The following MFHAS1 variants were observed in gnomAD, a reference collection of about 807,000 sequenced individuals.
MFHAS1 encodes the protein multifunctional ROCO family signaling regulator 1.
Under a neutral mutation model 70.4 loss-of-function variants are expected in MFHAS1, and 50 were observed. The ratio of observed to expected loss-of-function variants is 0.71; its 90% CI spans 0.57 to 0.90. The LOEUF (loss-of-function observed/expected upper bound fraction) is 0.90, where lower values mean the gene tolerates loss of function less well. Ranked by LOEUF, MFHAS1 falls within the 40% of genes least tolerant of loss-of-function variation. The pLI is 0.00. For synonymous variants in MFHAS1, 952 were observed against 620.0 expected (o/e 1.54, Z -7.96); for missense variants, 1,795 against 1,347.6 (o/e 1.33, Z -5.20).
chr8:8,876,971 G>A (rs981518092), intron 1 of MFHAS1, among the ~76,000 whole-genome samples: 2 of 151,722 alleles, frequency 1.3e-5, no homozygotes, highest in Non-Finnish European at 2.9e-5. Flanking sequence ...GTCATAGTGC[G>A]GTAAGTGGTG....
intron 2 of MFHAS1, among the ~76,000 whole-genome samples, chr8:8,786,703 G>T (rs199744276): frequency 2.6e-4 from 39 of 147,724 alleles, no homozygotes; most frequent in East Asian, 5.9e-4. Context: ...TTTGAAAGTG[G>T]TTTTTTTTTT....
intron 1 of MFHAS1, among the ~76,000 whole-genome samples, chr8:8,866,010 C>A (rs1419703146): frequency 6.6e-6 from 1 of 152,212 alleles, no homozygotes; most frequent in African/African-American, 2.4e-5. Context: ...CAACCTCAAA[C>A]AGAGGTGATG....
chr8:8,812,993 G>T (rs1465032947), intron 1 of MFHAS1, among the ~76,000 whole-genome samples: 1 of 152,094 alleles, frequency 6.6e-6, no homozygotes, highest in Non-Finnish European at 1.5e-5. Context: ...TCTCAAACTT[G>T]TGACCTCAAG....
intron 1 of MFHAS1, among the ~76,000 whole-genome samples, chr8:8,807,042 T>C (rs193068945): frequency 7.2e-5 from 11 of 152,008 alleles, no homozygotes; most frequent in African/African-American, 2.7e-4. Context: ...GTTGGGGGTA[T>C]AGAAAATCAT....
chr8:8,787,967 G>T (rs1805609704), intron 2 of MFHAS1, among the ~76,000 whole-genome samples: 1 of 152,148 alleles, frequency 6.6e-6, no homozygotes, highest in Non-Finnish European at 1.5e-5. Context: ...AACCTTCTCT[G>T]TTTCTCCCCA....
chr8:8,856,742 G>A (rs1585054695), intron 1 of MFHAS1, among the ~76,000 whole-genome samples: 1 of 151,970 alleles, frequency 6.6e-6, no homozygotes, highest in South Asian at 2.1e-4. Flanking sequence ...GCACTCAGCA[G>A]ACCCCCATGA....
chr8:8,821,479 A>G (rs1297299617), intron 1 of MFHAS1, among the ~76,000 whole-genome samples: 1 of 152,208 alleles, frequency 6.6e-6, no homozygotes, highest in Non-Finnish European at 1.5e-5. Context: ...ATGTCCATAC[A>G]AAGTTGTTAT....
rs1390373255 is a variant in MFHAS1, at chr8:8,891,656, G to A, written c.1403C>T (p.Ser468Phe). Reference protein sequence around the residue: ...IEVTSWTADASRGLRFIVYDL... With the variant: ...IEVTSWTADAFRGLRFIVYDL... Reference sequence around the variant, plus strand: ...ATACACGATGAACCGCAGGCCCCGGGAGGCATCGGCCGTCCAGCTGGTCAC... The same window carrying A: ...ATACACGATGAACCGCAGGCCCCGGAAGGCATCGGCCGTCCAGCTGGTCAC... The change falls in exon 1 of 3, where the codon TCC (serine) becomes TTC (phenylalanine). Residue 468 changes from serine (S) to phenylalanine (F), a missense_variant. By Grantham distance (155) the Ser-to-Phe change is radical. Coordinates refer to ENST00000276282, the MANE Select transcript of MFHAS1 (RefSeq NM_004225.3). This position sits in a 1 kb window ranked among gnomAD's most constrained non-coding sequence, Gnocchi z 5.4. 1 of 1,613,628 alleles carries A rather than the reference G, an allele frequency of 6.2e-7. No homozygotes were observed.
At chr8:8,802,758 G>T (rs1234490535) in intron 1 of MFHAS1, among the ~76,000 whole-genome samples, 1 of 152,352 alleles carries the variant, frequency 6.6e-6, no homozygotes, top group Non-Finnish European at 1.5e-5. Flanking sequence ...TCCCTGGGAA[G>T]CTATCTTGGG....
intron 1 of MFHAS1, among the ~76,000 whole-genome samples, chr8:8,863,971 G>A (rs1585058892): frequency 6.6e-6 from 1 of 152,176 alleles, no homozygotes; most frequent in East Asian, 1.9e-4. Context: ...CTGCCTCAGT[G>A]ACCACCAGCT....
chr8:8,814,068 G>A (rs1410740285), intron 1 of MFHAS1, among the ~76,000 whole-genome samples: 5 of 151,734 alleles, frequency 3.3e-5, no homozygotes, highest in Non-Finnish European at 7.4e-5. Context: ...CTCCCAAGTA[G>A]CTGGGATTAC....
At chr8:8,810,102 C>T (rs1039372217) in intron 1 of MFHAS1, among the ~76,000 whole-genome samples, 5 of 152,116 alleles carry the variant, frequency 3.3e-5, no homozygotes, top group South Asian at 2.1e-4. Flanking sequence ...CGCAGTGGCT[C>T]GCGCCTGTAA....
At chr8:8,852,668 T>C (rs1304857019) in intron 1 of MFHAS1, among the ~76,000 whole-genome samples, 1 of 152,216 alleles carries the variant, frequency 6.6e-6, no homozygotes, top group Non-Finnish European at 1.5e-5. Context: ...CCATTTGCCA[T>C]TGATGCTTTT....
intron 1 of MFHAS1, among the ~76,000 whole-genome samples, chr8:8,822,882 G>C (rs1031060660): frequency 5.9e-5 from 9 of 152,304 alleles, no homozygotes; most frequent in South Asian, 2.1e-4. Context: ...CAGGGACCAA[G>C]TCAGGGAAAC....
At chr8:8,826,340 T>G (rs1253779044) in intron 1 of MFHAS1, among the ~76,000 whole-genome samples, 1 of 151,980 alleles carries the variant, frequency 6.6e-6, no homozygotes, top group Non-Finnish European at 1.5e-5. Context: ...AACTCTGGAT[T>G]GTGTGTCAGG....
intron 1 of MFHAS1, among the ~76,000 whole-genome samples, chr8:8,856,980 G>GAAAAAAAAAAAAAAAAAAAAAAA (rs59496543): frequency 1.9e-5 from 1 of 53,368 alleles, no homozygotes; most frequent in African/African-American, 7.4e-5. Flanking sequence ...TCAGGAAAGT[G>GAAAAAAAAAAAAAAAAAAAAAAA]AAAAAAAAAA....
intron 1 of MFHAS1, among the ~76,000 whole-genome samples, chr8:8,859,745 T>A (rs113208002): frequency 3.9e-5 from 6 of 152,338 alleles, no homozygotes; most frequent in African/African-American, 9.6e-5. Context: ...GTACAAAATA[T>A]GTGCTATTGA....
chr8:8,809,511 G>C (rs529980045), intron 1 of MFHAS1, among the ~76,000 whole-genome samples: 1 of 152,224 alleles, frequency 6.6e-6, no homozygotes, highest in South Asian at 2.1e-4. Flanking sequence ...AGTCAAAGCC[G>C]CCTCTTCCCG....
chr8:8,875,510 C>CA (rs1243735954), intron 1 of MFHAS1, among the ~76,000 whole-genome samples: 1 of 152,154 alleles, frequency 6.6e-6, no homozygotes, highest in Non-Finnish European at 1.5e-5. Context: ...AAGGAGGAAA[C>CA]AAAGCTAAAA....
Sources: allele counts gnomAD v4.1 joint callset (sites outside exome capture counted in the v4.1 genomes callset), GRCh38; gene constraint gnomAD v4.1.1; non-coding constraint Gnocchi (gnomAD v3.1); transcripts MANE v1.5; gene names NCBI Gene and HGNC (gene_info 2026-07-23, HGNC 2026-07-21).